CDC14A: variants seen among roughly 807,000 people sequenced by gnomAD.
CDC14A encodes the protein dual specificity protein phosphatase CDC14A.
A neutral mutation model predicts 74.4 loss-of-function variants in CDC14A; 53 were observed. The ratio of observed to expected loss-of-function variants is 0.71; its 90% CI spans 0.57 to 0.89. The LOEUF is 0.89. Among genes scored for constraint, CDC14A ranks in the 40% least tolerant of loss-of-function variants. CDC14A has a pLI of 0.00. For missense variants in CDC14A, 646 were observed against 713.7 expected (o/e 0.91, Z 1.08); for synonymous variants, 247 against 258.4 (o/e 0.96, Z 0.43).
intron 1 of CDC14A, among the ~76,000 whole-genome samples, chr1:100,346,922 T>A (rs1650479397): frequency 6.6e-6 from 1 of 152,230 alleles, no homozygotes; most frequent in Non-Finnish European, 1.5e-5. Flanking sequence ...AATGCTGGTA[T>A]ACCATTCCAT....
At chr1:100,374,011 A>G (rs1041289245) in intron 2 of CDC14A, among the ~76,000 whole-genome samples, 2 of 151,732 alleles carry the variant, frequency 1.3e-5, no homozygotes, top group South Asian at 2.1e-4. Context: ...GTGTCCATGT[A>G]TTCTCATTGT....
In CDC14A at chr1:100,353,870, T is replaced by G. The variant is rs1180711073; in HGVS notation, c.140+18T>G. The G allele has an allele frequency of 6.7e-7, 1 of 1,497,148 alleles. No individual in the cohort carries two copies. The highest frequency in any genetic ancestry group is 9.2e-7 in the Non-Finnish European group (1 of 1,082,328). 92.7% of individuals were successfully genotyped at this position (1,497,148 alleles called of 1,614,324 possible). A position where few individuals can be genotyped will look rare whatever the true frequency, so the allele number is the denominator to read the frequency against. On this transcript the variant is annotated intron_variant, in intron 2 of 15. Coordinates refer to ENST00000336454, the MANE Select transcript of CDC14A (RefSeq NM_003672.4). Reference sequence around the variant, plus strand: ...TATGAAAAGTAAGTTTATGTTTTGTTTTTTTTTCTCTTGGCCATTCAGCTT... The same window carrying G: ...TATGAAAAGTAAGTTTATGTTTTGTGTTTTTTTCTCTTGGCCATTCAGCTT...
intron 5 of CDC14A, among the ~76,000 whole-genome samples, chr1:100,433,806 T>G (rs1455636199): frequency 6.6e-6 from 1 of 152,202 alleles, no homozygotes; most frequent in Non-Finnish European, 1.5e-5. Context: ...AGTGGTATGT[T>G]GGTAAACTGG....
chr1:100,417,809 T>C (rs1557737770), intron 4 of CDC14A, among the ~76,000 whole-genome samples: 1 of 152,218 alleles, frequency 6.6e-6, no homozygotes, highest in Non-Finnish European at 1.5e-5. Flanking sequence ...ATTAACCCTT[T>C]TGGGTAGATG....
At chr1:100,439,255 C>A (rs1341817057) in intron 5 of CDC14A, among the ~76,000 whole-genome samples, 3 of 152,186 alleles carry the variant, frequency 2.0e-5, no homozygotes, top group Non-Finnish European at 2.9e-5. Context: ...AGCCTGACTA[C>A]ATTTTCCTGT....
At chr1:100,401,273 A>G (rs2101013421) in intron 4 of CDC14A, among the ~76,000 whole-genome samples, 1 of 152,334 alleles carries the variant, frequency 6.6e-6, no homozygotes, top group East Asian at 1.9e-4. Flanking sequence ...ATTTTCCACA[A>G]TAGCCCCAGT....
At chr1:100,393,887 G>T (rs1658084708) in intron 4 of CDC14A, 1 of 237,352 alleles carries the variant, frequency 4.2e-6, no homozygotes, top group African/African-American at 2.3e-5. Flanking sequence ...AGGTTGCAGT[G>T]AGCCAAGATT....
At chr1:100,468,158 C>G (rs1329005870) in intron 10 of CDC14A, 64 bp downstream of exon 10, 2 of 1,581,980 alleles carry the variant, frequency 1.3e-6, no homozygotes, top group African/African-American at 2.7e-5. Context: ...CTCTTGTTCC[C>G]CTGGTTGTGG....
intron 7 of CDC14A, among the ~76,000 whole-genome samples, chr1:100,449,026 C>G (rs13374138): frequency 0.12 from 18,559 of 152,224 alleles, 3,348 homozygotes; most frequent in African/African-American, 0.39. Context: ...AAATTTCTCA[C>G]TGATCCATGA....
intron 4 of CDC14A, chr1:100,393,198 ATGTT>A: frequency 6.3e-7 from 1 of 1,594,450 alleles, no homozygotes; most frequent in Non-Finnish European, 8.6e-7. Flanking sequence ...TGTGAGTTGC[ATGTT>A]CTTTCTCTGC....
In CDC14A at chr1:100,508,120, A is replaced by T. The variant is rs1025738881; in HGVS notation, c.1755+8858A>T. Among the ~76,000 whole-genome samples, 1 of 151,974 alleles carries T rather than the reference A, an allele frequency of 6.6e-6. No homozygotes were observed. The highest frequency in any genetic ancestry group is 2.4e-5 in the African/African-American group (1 of 41,378). On this transcript the variant is annotated intron_variant, in intron 15 of 15. Coordinates refer to ENST00000336454, the MANE Select transcript of CDC14A (RefSeq NM_003672.4). This position sits in a 1 kb window ranked among gnomAD's most constrained non-coding sequence, Gnocchi z 4.4. ...TATTTTCAATTCGTGAATTTTCTTT[A>T]ATGTGTCCATTCTGGAGTATATCCC...
chr1:100,419,794 G>A (rs1034206620), intron 4 of CDC14A, among the ~76,000 whole-genome samples: 6 of 151,844 alleles, frequency 4.0e-5, no homozygotes, highest in South Asian at 2.1e-4. Context: ...CAAAGCTATC[G>A]TGCCAATGTT....
intron 4 of CDC14A, among the ~76,000 whole-genome samples, chr1:100,422,282 C>G (rs1402093994): frequency 6.6e-6 from 1 of 152,190 alleles, no homozygotes; most frequent in African/African-American, 2.4e-5. Context: ...TGCAGAATGA[C>G]TCCCTCCAAA....
chr1:100,388,478 GC>G (rs1293897290), intron 3 of CDC14A, among the ~76,000 whole-genome samples: 1 of 152,198 alleles, frequency 6.6e-6, no homozygotes, highest in Non-Finnish European at 1.5e-5. Context: ...ACTCAACTGA[GC>G]TGAATTAAAT....
At chr1:100,391,313 T>C (rs1210871953) in intron 4 of CDC14A, among the ~76,000 whole-genome samples, 1 of 147,122 alleles carries the variant, frequency 6.8e-6, no homozygotes, top group Non-Finnish European at 1.5e-5. Flanking sequence ...TGAATATAAA[T>C]CCTGCATATA....
At chr1:100,421,578 CA>C (rs1340928332) in intron 4 of CDC14A, among the ~76,000 whole-genome samples, 3 of 152,146 alleles carry the variant, frequency 2.0e-5, no homozygotes, top group Non-Finnish European at 2.9e-5. Flanking sequence ...AAACTGTTAA[CA>C]GTTTGAAGTC....
intron 3 of CDC14A, among the ~76,000 whole-genome samples, chr1:100,378,400 CT>C (rs1423287915): frequency 6.6e-6 from 1 of 152,170 alleles, no homozygotes; most frequent in African/African-American, 2.4e-5. Flanking sequence ...ACAGAGGACT[CT>C]TAAGGATAAA....
At chr1:100,354,630 A>G (rs559495424) in intron 2 of CDC14A, among the ~76,000 whole-genome samples, 42 of 152,380 alleles carry the variant, frequency 2.8e-4, no homozygotes, top group Admixed American at 2.6e-4. Flanking sequence ...TATTCAGTAA[A>G]AGTATCAGAT....
upstream of CDC14A, among the ~76,000 whole-genome samples, chr1:100,349,120 C>G (rs934722698): frequency 6.6e-6 from 1 of 151,986 alleles, no homozygotes; most frequent in Admixed American, 6.6e-5. Context: ...CGCTTGAACC[C>G]GGGAGGTGGA....
Sources: allele counts gnomAD v4.1 joint callset (sites outside exome capture counted in the v4.1 genomes callset), GRCh38; gene constraint gnomAD v4.1.1; non-coding constraint Gnocchi (gnomAD v3.1); transcripts MANE v1.5; gene names NCBI Gene and HGNC (gene_info 2026-07-23, HGNC 2026-07-21).